Variants in ATOSA observed in about 807,000 individuals in gnomAD.
The protein encoded by ATOSA is atos homolog protein A.
the ATOSA span, among the ~76,000 whole-genome samples, chr15:52,636,466 CA>C: frequency 1.3e-5 from 2 of 152,120 alleles, no homozygotes; most frequent in African/African-American, 4.8e-5. Context: ...GTTACACCAA[CA>C]GGGTCCTAAT....
the ATOSA span, among the ~76,000 whole-genome samples, chr15:52,697,045 A>C: frequency 6.6e-6 from 1 of 152,126 alleles, no homozygotes; most frequent in African/African-American, 2.4e-5. Flanking sequence ...CAGGATAAAA[A>C]TCTGAAGTTC....
the ATOSA span, chr15:52,590,677 T>C: frequency 6.6e-6 from 1 of 152,298 alleles, no homozygotes; most frequent in East Asian, 1.9e-4. Flanking sequence ...TGAAAACAGA[T>C]TCAACTACAA....
the ATOSA span, among the ~76,000 whole-genome samples, chr15:52,641,850 T>A: frequency 6.6e-6 from 1 of 152,246 alleles, no homozygotes; most frequent in East Asian, 1.9e-4. Flanking sequence ...AAAGGCAGTA[T>A]CCTTTGATAA....
the ATOSA span, chr15:52,608,576 C>G: frequency 6.4e-7 from 1 of 1,571,114 alleles, no homozygotes; most frequent in Non-Finnish European, 8.6e-7. Flanking sequence ...ACCAATACCT[C>G]TGTATTTTTT....
At chr15:52,587,401 C>T in the ATOSA span, 2 of 524,530 alleles carry the variant, frequency 3.8e-6, no homozygotes, top group Non-Finnish European at 6.7e-6. Flanking sequence ...TTTACTGTTC[C>T]TCCTGGTGAT....
At chr15:52,622,145 C>G in the ATOSA span, among the ~76,000 whole-genome samples, 546 of 152,232 alleles carry the variant, frequency 3.6e-3, 1 homozygote, top group African/African-American at 0.013. Context: ...TGCGCCTGGC[C>G]TACTATTTCT....
At chr15:52,700,139 T>C in the ATOSA span, among the ~76,000 whole-genome samples, 2 of 152,220 alleles carry the variant, frequency 1.3e-5, no homozygotes, top group Admixed American at 6.5e-5. Context: ...TTCTACTACA[T>C]TTCTTTTCTT....
At chr15:52,611,487 AAAGACATG>A in the ATOSA span, 1 of 1,392,740 alleles carries the variant, frequency 7.2e-7, no homozygotes, top group Non-Finnish European at 9.8e-7. Context: ...AGAGGAATTC[AAAGACATG>A]ATACATTAAA....
At chr15:52,653,535 G>C in the ATOSA span, among the ~76,000 whole-genome samples, 5 of 152,154 alleles carry the variant, frequency 3.3e-5, no homozygotes, top group African/African-American at 4.8e-5. Flanking sequence ...GTGACTCAGA[G>C]AAAGAATGGC....
chr15:52,608,144 C>T, the ATOSA span, among the ~76,000 whole-genome samples: 55 of 152,236 alleles, frequency 3.6e-4, no homozygotes, highest in Middle Eastern at 6.8e-3. Flanking sequence ...TCTGCCTTGG[C>T]CTCCCAAAGT....
At chr15:52,609,052 T>G in the ATOSA span, 1 of 1,613,474 alleles carries the variant, frequency 6.2e-7, no homozygotes, top group Non-Finnish European at 8.5e-7. Flanking sequence ...CAAATCTAAG[T>G]TATTTTCTTT....
At chr15:52,682,440 A>G in the ATOSA span, among the ~76,000 whole-genome samples, 6 of 152,212 alleles carry the variant, frequency 3.9e-5, no homozygotes, top group African/African-American at 1.4e-4. Flanking sequence ...TGAAGGTAGA[A>G]GACACACAGG....
At chr15:52,686,538 A>C in the ATOSA span, among the ~76,000 whole-genome samples, 1 of 152,232 alleles carries the variant, frequency 6.6e-6, no homozygotes, top group Non-Finnish European at 1.5e-5. Context: ...GGGAAAACTC[A>C]TAATTGAGAC....
At chr15:52,592,254 A>C in the ATOSA span, among the ~76,000 whole-genome samples, 2 of 152,190 alleles carry the variant, frequency 1.3e-5, no homozygotes, top group Non-Finnish European at 2.9e-5. Context: ...GTAAGTTAGG[A>C]AATTCAAGCA....
chr15:52,588,894 T>C, the ATOSA span, among the ~76,000 whole-genome samples: 1 of 152,252 alleles, frequency 6.6e-6, no homozygotes, highest in Non-Finnish European at 1.5e-5. Context: ...GCCAAACTTA[T>C]GTAAAAGCAA....
the ATOSA span, chr15:52,658,821 A>G: frequency 2.6e-6 from 1 of 391,352 alleles, no homozygotes; most frequent in Non-Finnish European, 4.5e-6. Flanking sequence ...AAAAAAAAAA[A>G]AAAAAAAGTT....
the ATOSA span, among the ~76,000 whole-genome samples, chr15:52,621,050 T>C: frequency 6.6e-6 from 1 of 152,346 alleles, no homozygotes; most frequent in Non-Finnish European, 1.5e-5. Flanking sequence ...ACAGGACAAG[T>C]ACACCTGGCC....
chr15:52,600,966 A>T, the ATOSA span: 1 of 691,110 alleles, frequency 1.4e-6, no homozygotes, highest in South Asian at 1.8e-5. Flanking sequence ...ACATGGTATC[A>T]TACTCTAAAT....
At chr15:52,671,482 ACAAGAC>A in the ATOSA span, among the ~76,000 whole-genome samples, 2 of 152,232 alleles carry the variant, frequency 1.3e-5, no homozygotes, top group Non-Finnish European at 2.9e-5. Flanking sequence ...CCTACCATGT[ACAAGAC>A]TGCCTACTAA....
Sources: gnomAD v4.1 joint callset for allele counts (sites outside exome capture counted in the v4.1 genomes callset) on GRCh38, gnomAD v4.1.1 for gene constraint, MANE v1.5 for transcripts, NCBI Gene and HGNC (gene_info 2026-07-23, HGNC 2026-07-21) for gene names.